The following ABCA13 variants were observed in gnomAD, a reference collection of about 807,000 sequenced individuals.
ABCA13 encodes ATP binding cassette subfamily A member 13.
ABCA13 carries 476 observed loss-of-function variants against 478.7 expected under a neutral mutation model. The observed-to-expected ratio is 0.99, with a 90% CI of 0.92 to 1.07. The LOEUF (loss-of-function observed/expected upper bound fraction) is 1.07. Among genes scored for constraint, ABCA13 ranks in the 50% least tolerant of loss-of-function variants. The probability of loss-of-function intolerance (pLI) is 0.00; values close to 1 mark genes in which losing one functional copy is unlikely to be tolerated. For synonymous variants in ABCA13, 2,252 were observed against 2,158.9 expected (o/e 1.04, Z -1.20); for missense variants, 6,060 against 5,910.6 (o/e 1.03, Z -0.83).
chr7:48,215,668 G>A (rs987170581), intron 3 of ABCA13, among the ~76,000 whole-genome samples: 2 of 152,098 alleles, frequency 1.3e-5, no homozygotes, highest in African/African-American at 2.4e-5. Flanking sequence ...ATTCAGAGCT[G>A]GGCAACCATC....
At chr7:48,288,204 G>T in intron 20 of ABCA13, 126 bp downstream of exon 20, 1 of 858,052 alleles carries the variant, frequency 1.2e-6, no homozygotes, top group Non-Finnish European at 1.9e-6. Flanking sequence ...ACACAGTCTT[G>T]TTGCAAGCTG....
chr7:48,217,398 C>T (rs986886823), intron 3 of ABCA13, among the ~76,000 whole-genome samples: 3 of 152,182 alleles, frequency 2.0e-5, no homozygotes, highest in Non-Finnish European at 4.4e-5. Flanking sequence ...ACATTCCTTG[C>T]TTATTCTTGT....
chr7:48,463,674 TC>T (rs1254684254), intron 43 of ABCA13, among the ~76,000 whole-genome samples: 1 of 151,738 alleles, frequency 6.6e-6, no homozygotes, highest in Non-Finnish European at 1.5e-5. Flanking sequence ...CAGAAATTTA[TC>T]AACACCAAAA....
intron 59 of ABCA13, chr7:48,627,128 T>C: frequency 1.2e-6 from 1 of 830,448 alleles, no homozygotes; most frequent in Non-Finnish European, 1.5e-6. Context: ...TTAATCTTTA[T>C]TACGTAATGG....
At chr7:48,208,244 CT>C (rs1400345989) in intron 3 of ABCA13, among the ~76,000 whole-genome samples, 7 of 152,048 alleles carry the variant, frequency 4.6e-5, no homozygotes, top group Non-Finnish European at 1.0e-4. Flanking sequence ...CAGCTTTGCT[CT>C]TTTTGCTGAG....
chr7:48,276,653 A>T (rs573469157), intron 17 of ABCA13, 88 bp downstream of exon 17: 1 of 1,075,148 alleles, frequency 9.3e-7, no homozygotes, highest in African/African-American at 1.6e-5. Flanking sequence ...TGTCAAAAAC[A>T]GTATTTGTAT....
At chr7:48,616,952 T>A (rs1243958484) in intron 59 of ABCA13, among the ~76,000 whole-genome samples, 1 of 152,144 alleles carries the variant, frequency 6.6e-6, no homozygotes. Flanking sequence ...GAGAATCAGT[T>A]GTGTCCAAGA....
chr7:48,273,806 C>G lies in ABCA13; in HGVS notation c.4140C>G (p.Ser1380=), dbSNP rs773198511. 1 of 1,611,558 alleles carries G rather than the reference C, an allele frequency of 6.2e-7. No individual in the cohort carries two copies. Among genetic ancestry groups the G allele is most frequent in the South Asian group, 1.1e-5 (1 of 90,860 alleles). The change falls in exon 17 of 62, where the codon TCC becomes TCG. Residue 1380 remains serine, a synonymous_variant. Transcript: ENST00000435803. ...RMLRILDTLN[S]TFSSENTISS... ...TACGTATTCTAGACACGTTAAATTC[C>G]ACATTTTCCTCTGAGAACACAATTA...
chr7:48,577,909 G>A (rs1027671719), intron 55 of ABCA13, among the ~76,000 whole-genome samples: 1 of 152,100 alleles, frequency 6.6e-6, no homozygotes, highest in East Asian at 1.9e-4. Context: ...GATAGGCAAG[G>A]TTCGTTCAAT....
At chr7:48,596,457 A>G (rs905174829) in intron 58 of ABCA13, among the ~76,000 whole-genome samples, 2 of 152,208 alleles carry the variant, frequency 1.3e-5, no homozygotes, top group African/African-American at 4.8e-5. Context: ...ATTACCATAA[A>G]TAAGCCTTAG....
In ABCA13 at chr7:48,600,322, C is replaced by T. The variant is rs113269771; in HGVS notation, c.14744+5509C>T. Among the ~76,000 whole-genome samples the T allele has an allele frequency of 7.7e-3, 1,165 of 150,872 alleles. 19 individuals carry two copies. The highest frequency in any genetic ancestry group is 0.027 in the African/African-American group (1,095 of 41,262). ...TTTGTGTCTTTGAATAGGAGTGTTT[C>T]CTATAGATTGTGTATAGTTGGATAT... On this transcript the variant is annotated intron_variant, in intron 58 of 61. Coordinates refer to ENST00000435803, the MANE Select transcript of ABCA13 (RefSeq NM_152701.5).
At position 48,266,461 on chromosome 7, in the gene ABCA13, T is replaced by G. The variant is rs577853535; in HGVS notation, c.2006-2519T>G. ...AATTTTTAATATACATTAGGGCCAC[T>G]CAAGTTGTTCAATTTAGTATCATAA... is the stretch of plus-strand genomic sequence containing the variant. On this transcript the variant is annotated intron_variant, in intron 15 of 61. Transcript: ENST00000435803. Among the ~76,000 whole-genome samples the G allele has an allele frequency of 2.0e-5, 3 of 151,940 alleles. No individual in the cohort carries two copies. The South Asian group carries it at 6.2e-4, about 31-fold the overall frequency.
At chr7:48,607,408 G>A (rs927299846) in intron 58 of ABCA13, among the ~76,000 whole-genome samples, 1 of 101,608 alleles carries the variant, frequency 9.8e-6, no homozygotes, top group African/African-American at 4.0e-5. Context: ...GATGAACCGG[G>A]TACCTCAGTT....
At chr7:48,354,894 G>C (rs1452840958) in intron 31 of ABCA13, among the ~76,000 whole-genome samples, 1 of 151,942 alleles carries the variant, frequency 6.6e-6, no homozygotes, top group Admixed American at 6.5e-5. Context: ...GACAATGTTT[G>C]TTAAAATTTT....
At chr7:48,193,662 G>A (rs1797426411) in intron 2 of ABCA13, among the ~76,000 whole-genome samples, 1 of 151,482 alleles carries the variant, frequency 6.6e-6, no homozygotes, top group African/African-American at 2.4e-5. Context: ...TGATGATGAT[G>A]GAGATGATGA....
At chr7:48,454,843 C>G (rs372648523) in intron 42 of ABCA13, among the ~76,000 whole-genome samples, 194 bp from the exon 43 acceptor site, 3 of 152,330 alleles carry the variant, frequency 2.0e-5, no homozygotes, top group South Asian at 2.1e-4. Context: ...TGCATTGCAG[C>G]CTTCCGGCCC....
At position 48,387,924 on chromosome 7, in the gene ABCA13, G is replaced by C; in HGVS notation, c.11438G>C (p.Ser3813Thr). Residue 3813 changes from serine to threonine, a missense_variant, in exon 36 of 62, where the codon AGT (serine) becomes ACT (threonine). Transcript: ENST00000435803. ...VEKRQYFLSS[S>T]LFFFNENFDN... ...AAAAGGCAATACTTTCTAAGTTCTA[G>C]TCTGTTCTTCTTCAATGAGAACTTT... 1 of 1,612,658 alleles carries C rather than the reference G, an allele frequency of 6.2e-7. No homozygotes were observed. The highest frequency in any genetic ancestry group is 8.5e-7 in the Non-Finnish European group (1 of 1,179,404).
At chr7:48,199,968 C>T (rs1471542977) in intron 3 of ABCA13, among the ~76,000 whole-genome samples, 1 of 152,144 alleles carries the variant, frequency 6.6e-6, no homozygotes, top group Non-Finnish European at 1.5e-5. Flanking sequence ...ATGTTAAAGA[C>T]AAATATAGAA....
At position 48,192,948 on chromosome 7, in the gene ABCA13, T is replaced by TA. The variant is rs1180637122; in HGVS notation, c.70-9dup. ...TATTCAGGTGATTTTTTTTTTTTTT[T>TA]AATTTTCTAGGTCCTTTTCCTTGCT... On this transcript the variant is annotated splice_polypyrimidine_tract_variant and intron_variant, in intron 1 of 61. Coordinates refer to ENST00000435803, the MANE Select transcript of ABCA13 (RefSeq NM_152701.5). The TA allele has an allele frequency of 5.2e-5, 76 of 1,472,678 alleles. No homozygotes were observed. Among genetic ancestry groups the TA allele is most frequent in the African/African-American group, 1.9e-4 (13 of 69,492 alleles). 91.2% of individuals were successfully genotyped at this position (1,472,678 alleles called of 1,614,324 possible).
Sources: gnomAD v4.1 joint callset for allele counts (sites outside exome capture counted in the v4.1 genomes callset) on GRCh38, gnomAD v4.1.1 for gene constraint, MANE v1.5 for transcripts, NCBI Gene and HGNC (gene_info 2026-07-23, HGNC 2026-07-21) for gene names.